Variants in SLAIN2 observed in about 807,000 individuals in gnomAD.
SLAIN2 encodes the protein SLAIN motif-containing protein 2.
Under a neutral mutation model 56.6 loss-of-function variants are expected in SLAIN2, and 31 were observed. The ratio of observed to expected loss-of-function variants is 0.55; its 90% CI spans 0.41 to 0.74. The LOEUF is 0.74. Ranked by LOEUF, SLAIN2 falls within the 30% of genes least tolerant of loss-of-function variation. SLAIN2 has a pLI of 0.00. For missense variants in SLAIN2, 777 were observed against 754.2 expected (o/e 1.03, Z -0.35); for synonymous variants, 317 against 284.9 (o/e 1.11, Z -1.13).
chr4:48,343,260 C>T (rs868161782), intron 1 of SLAIN2, among the ~76,000 whole-genome samples: 46 of 152,148 alleles, frequency 3.0e-4, no homozygotes, highest in African/African-American at 1.1e-3. Flanking sequence ...GGCTCACTTT[C>T]TTCTTGTATT....
At chr4:48,395,279 A>G (rs764978439) in intron 6 of SLAIN2, among the ~76,000 whole-genome samples, 1 of 152,182 alleles carries the variant, frequency 6.6e-6, no homozygotes, top group Non-Finnish European at 1.5e-5. Context: ...ATAAAAACAA[A>G]CAGAGGCCTC....
chr4:48,380,854 T>C (rs962182385), intron 4 of SLAIN2, among the ~76,000 whole-genome samples: 1 of 152,174 alleles, frequency 6.6e-6, no homozygotes, highest in Non-Finnish European at 1.5e-5. Context: ...TCTTTAAATA[T>C]GTAGTAGGCT....
chr4:48,354,460 AC>A (rs925868512), intron 1 of SLAIN2, among the ~76,000 whole-genome samples: 2 of 120,160 alleles, frequency 1.7e-5, no homozygotes, highest in African/African-American at 5.7e-5. Flanking sequence ...GTTAATTGTT[AC>A]GGATATTTTT....
chr4:48,345,746 A>G (rs1472967), intron 1 of SLAIN2, among the ~76,000 whole-genome samples: 80,027 of 151,780 alleles, frequency 0.53, 22,140 homozygotes, highest in South Asian at 0.69. Flanking sequence ...TTTTATTTAC[A>G]CATTTAATAT....
Position 48,353,076 on chromosome 4 carries a change from C to G in SLAIN2, c.389+10948C>G, listed in dbSNP as rs374617432. On this transcript the variant is annotated intron_variant, in intron 1 of 7. Coordinates refer to ENST00000264313, the MANE Select transcript of SLAIN2 (RefSeq NM_020846.2). ...CACCATGATTGTGAGGTTTCCCCAG[C>G]CTTGTGGAACTGTAAGTCCAATTAA... is the stretch of plus-strand genomic sequence containing the variant. Among the ~76,000 whole-genome samples the G allele has an allele frequency of 2.6e-5, 4 of 152,266 alleles. No homozygotes were observed. The East Asian group carries it at 7.7e-4, about 29-fold the overall frequency.
chr4:48,387,119 C>T (rs1367423024), intron 6 of SLAIN2, among the ~76,000 whole-genome samples: 1 of 152,024 alleles, frequency 6.6e-6, no homozygotes, highest in East Asian at 1.9e-4. Context: ...TCCTCTACCT[C>T]GTCCCCTCAT....
At position 48,382,697 on chromosome 4, in the gene SLAIN2, T is replaced by C. The variant is rs770956708; in HGVS notation, c.992T>C (p.Met331Thr). ...AQSLDDEDDN[M>T]HHAVYPAVNR... ...AGTTTAGATGATGAAGATGACAATA[T>C]GCATCATGCAGTATACCCTGCTGTT... is the stretch of plus-strand genomic sequence containing the variant. Residue 331 changes from methionine (M) to threonine (T), a missense_variant, in exon 5 of 8, where the codon ATG becomes ACG. Transcript: ENST00000264313. The C allele has an allele frequency of 6.2e-6, 10 of 1,613,758 alleles. No individual in the cohort carries two copies. The highest frequency in any genetic ancestry group is 1.3e-5 in the African/African-American group (1 of 74,874).
At chr4:48,409,116 A>G (rs1268965799) in intron 6 of SLAIN2, among the ~76,000 whole-genome samples, 2 of 152,194 alleles carry the variant, frequency 1.3e-5, no homozygotes, top group African/African-American at 2.4e-5. Context: ...GATACAGGCA[A>G]GCAATGTGAA....
At position 48,406,525 on chromosome 4, in the gene SLAIN2, C is replaced by CTT. The variant is rs34797619; in HGVS notation, c.1361-13581_1361-13580dup. ...CAACTTTTGGTTATGCTCTCTCTCT[C>CTT]TTTTTTTTTTTTTTTTTTTTAAGTT... is the stretch of plus-strand genomic sequence containing the variant. On this transcript the variant is annotated intron_variant, in intron 6 of 7. Transcript: ENST00000264313. Among the ~76,000 whole-genome samples the CTT allele has an allele frequency of 1.2e-3, 160 of 135,066 alleles. 1 individual carries two copies. The highest frequency in any genetic ancestry group is 3.8e-3 in the African/African-American group (138 of 36,452). The allele number at this position is 135,066 out of a possible 152,430, so 88.6% of individuals were successfully genotyped here.
At chr4:48,380,671 A>G (rs1360845146) in intron 4 of SLAIN2, among the ~76,000 whole-genome samples, 2 of 152,200 alleles carry the variant, frequency 1.3e-5, no homozygotes, top group Non-Finnish European at 2.9e-5. Flanking sequence ...AGAAGATGCC[A>G]TCTGCATAAC....
At chr4:48,382,327 A>G (rs1715990513) in intron 4 of SLAIN2, among the ~76,000 whole-genome samples, 1 of 152,158 alleles carries the variant, frequency 6.6e-6, no homozygotes, top group East Asian at 1.9e-4. Flanking sequence ...CTTTAAGAAG[A>G]AATCTGGAAA....
At chr4:48,376,406 A>G (rs774463076) in intron 2 of SLAIN2, among the ~76,000 whole-genome samples, 2 of 150,660 alleles carry the variant, frequency 1.3e-5, no homozygotes, top group Non-Finnish European at 3.0e-5. Context: ...AGTGAGCCGA[A>G]ATCACGCCAC....
At chr4:48,398,567 G>GC (rs768038102) in intron 6 of SLAIN2, among the ~76,000 whole-genome samples, 13 of 152,268 alleles carry the variant, frequency 8.5e-5, no homozygotes, top group Non-Finnish European at 1.8e-4. Context: ...TGCAACCTTT[G>GC]CCCATGCCTG....
intron 1 of SLAIN2, among the ~76,000 whole-genome samples, chr4:48,348,827 C>G (rs116515228): frequency 2.0e-5 from 3 of 152,166 alleles, no homozygotes; most frequent in Non-Finnish European, 4.4e-5. Flanking sequence ...TCAGTAATGG[C>G]CAGTTGTTTT....
chr4:48,395,436 A>AT (rs1169779818), intron 6 of SLAIN2, among the ~76,000 whole-genome samples: 5 of 139,500 alleles, frequency 3.6e-5, no homozygotes, highest in South Asian at 2.7e-4. Flanking sequence ...AAGAAATTAG[A>AT]TTTTTTTTGA....
intron 1 of SLAIN2, among the ~76,000 whole-genome samples, chr4:48,354,151 T>A (rs1715089882): frequency 6.6e-6 from 1 of 152,144 alleles, no homozygotes; most frequent in Non-Finnish European, 1.5e-5. Flanking sequence ...AAAAAAGTTA[T>A]CTGATAAACA....
chr4:48,420,557 C>CA (rs1210250147), intron 7 of SLAIN2, 114 bp downstream of exon 7: 2 of 1,217,010 alleles, frequency 1.6e-6, no homozygotes, highest in East Asian at 4.8e-5. Flanking sequence ...GGTGGATTCC[C>CA]ACCAGAGTTT....
At chr4:48,375,858 TC>T (rs1019664936) in intron 2 of SLAIN2, among the ~76,000 whole-genome samples, 1 of 152,212 alleles carries the variant, frequency 6.6e-6, no homozygotes, top group African/African-American at 2.4e-5. Context: ...GCACATACTT[TC>T]CCCATCCTGT....
intron 6 of SLAIN2, among the ~76,000 whole-genome samples, chr4:48,393,386 T>TTTGTG (rs376243251): frequency 5.2e-5 from 7 of 135,348 alleles, no homozygotes; most frequent in Non-Finnish European, 9.4e-5. Flanking sequence ...CATGTCTGGC[T>TTTGTG]TGTGTGTGTG....
Sources: gnomAD v4.1 joint callset for allele counts (sites outside exome capture counted in the v4.1 genomes callset) on GRCh38, gnomAD v4.1.1 for gene constraint, MANE v1.5 for transcripts, NCBI Gene and HGNC (gene_info 2026-07-23, HGNC 2026-07-21) for gene names.